CAPZB: variants seen among roughly 807,000 people sequenced by gnomAD.
CAPZB encodes the protein capping actin protein of muscle Z-line subunit beta, also known as F-actin-capping protein subunit beta.
In CAPZB, 2 loss-of-function variants were observed where a neutral mutation model predicts 38.1. That is an observed-to-expected ratio of 0.05 (90% CI 0.02 to 0.17). The LOEUF (loss-of-function observed/expected upper bound fraction) is 0.17, where lower values mean the gene tolerates loss of function less well. Among genes scored for constraint, CAPZB ranks in the 10% least tolerant of loss-of-function variants. The probability of loss-of-function intolerance (pLI) is 1.00; values close to 1 mark genes in which losing one functional copy is unlikely to be tolerated. For missense variants in CAPZB, 161 were observed against 334.2 expected, an observed-to-expected ratio of 0.48 and a Z score of 4.04; for synonymous variants, 107 against 127.4, an observed-to-expected ratio of 0.84 and a Z score of 1.08.
intron 2 of CAPZB, among the ~76,000 whole-genome samples, chr1:19,399,215 AATGTT>A (rs1274608910): frequency 6.6e-6 from 1 of 152,168 alleles, no homozygotes; most frequent in Non-Finnish European, 1.5e-5. Flanking sequence ...TAAAAGTGTA[AATGTT>A]ATGTTATGTG....
At chr1:19,448,798 C>T in intron 1 of CAPZB, 1 of 1,611,552 alleles carries the variant, frequency 6.2e-7, no homozygotes, top group Non-Finnish European at 8.5e-7. Flanking sequence ...CCACCTGTTG[C>T]TCCTCCTCCC....
At chr1:19,456,621 C>T (rs1406698351) in intron 1 of CAPZB, among the ~76,000 whole-genome samples, 1 of 152,160 alleles carries the variant, frequency 6.6e-6, no homozygotes, top group Admixed American at 6.5e-5. Context: ...CAAGAATACT[C>T]CAGCCCACAG....
chr1:19,377,036 CTG>C (rs1347293940), intron 4 of CAPZB, among the ~76,000 whole-genome samples: 1 of 152,214 alleles, frequency 6.6e-6, no homozygotes, highest in Non-Finnish European at 1.5e-5. Context: ...CCACTGGTAA[CTG>C]TTATCATCAC....
chr1:19,422,080 G>T (rs1558246930), intron 1 of CAPZB, among the ~76,000 whole-genome samples: 1 of 151,958 alleles, frequency 6.6e-6, no homozygotes, highest in Non-Finnish European at 1.5e-5. Flanking sequence ...AACCCTAAAT[G>T]ATTCAAGTCA....
intron 2 of CAPZB, among the ~76,000 whole-genome samples, chr1:19,400,607 G>A (rs894811106): frequency 3.9e-5 from 6 of 152,116 alleles, no homozygotes; most frequent in African/African-American, 9.7e-5. Context: ...TCACTTTTAC[G>A]TCTCACATTT....
intron 8 of CAPZB, among the ~76,000 whole-genome samples, chr1:19,342,284 T>A (rs1291672955): frequency 6.6e-6 from 1 of 152,130 alleles, no homozygotes; most frequent in Non-Finnish European, 1.5e-5. Flanking sequence ...GGTCACCCCT[T>A]CCAAGCCAGC....
chr1:19,439,710 C>CAA (rs2094469514), intron 1 of CAPZB, among the ~76,000 whole-genome samples: 1 of 152,270 alleles, frequency 6.6e-6, no homozygotes, highest in African/African-American at 2.4e-5. Flanking sequence ...TCCCTCCCGG[C>CAA]TGACACTCCC....
chr1:19,480,656 A>G (rs2094624884), intron 1 of CAPZB, among the ~76,000 whole-genome samples: 1 of 152,238 alleles, frequency 6.6e-6, no homozygotes, highest in Non-Finnish European at 1.5e-5. Flanking sequence ...GGAACCCTCC[A>G]GTCACAGGGG....
chr1:19,442,181 CA>C (rs1389718812), intron 1 of CAPZB, among the ~76,000 whole-genome samples: 1 of 152,064 alleles, frequency 6.6e-6, no homozygotes, highest in East Asian at 1.9e-4. Flanking sequence ...AAAAGGCTCA[CA>C]AATTTTTTAA....
At chr1:19,391,632 T>G (rs2094235740) in intron 2 of CAPZB, among the ~76,000 whole-genome samples, 1 of 152,230 alleles carries the variant, frequency 6.6e-6, no homozygotes, top group Non-Finnish European at 1.5e-5. Context: ...ATATACAGTG[T>G]GGCATTCTGT....
chr1:19,484,723 G>A (rs1424964277), intron 1 of CAPZB: 14 of 1,060,044 alleles, frequency 1.3e-5, no homozygotes, highest in Non-Finnish European at 1.6e-5. Context: ...GGCTCAGGGC[G>A]GGGACCGAGC....
chr1:19,396,060 C>T (rs1210625674), intron 2 of CAPZB, among the ~76,000 whole-genome samples: 1 of 152,254 alleles, frequency 6.6e-6, no homozygotes, highest in East Asian at 1.9e-4. Context: ...CCACGCCTGC[C>T]TCTTCCACTG....
chr1:19,445,328 C>T (rs893369768), intron 1 of CAPZB, among the ~76,000 whole-genome samples: 1 of 151,016 alleles, frequency 6.6e-6, no homozygotes, highest in Admixed American at 6.6e-5. Context: ...ACCAAAAAAG[C>T]AAAAGTTGTT....
intron 1 of CAPZB, among the ~76,000 whole-genome samples, chr1:19,481,684 C>T (rs908570914): frequency 2.0e-5 from 3 of 152,132 alleles, no homozygotes; most frequent in Non-Finnish European, 4.4e-5. Context: ...TGCAGAGGAG[C>T]GGACTGCGTG....
intron 1 of CAPZB, among the ~76,000 whole-genome samples, chr1:19,469,684 C>CTCTCCCT (rs1332969708): frequency 2.0e-5 from 3 of 151,530 alleles, no homozygotes; most frequent in Non-Finnish European, 4.4e-5. Flanking sequence ...ATACTCTACA[C>CTCTCCCT]TCTCCCTCCT....
At chr1:19,437,626 C>G (rs929879030) in intron 1 of CAPZB, among the ~76,000 whole-genome samples, 1 of 152,062 alleles carries the variant, frequency 6.6e-6, no homozygotes, top group Non-Finnish European at 1.5e-5. Flanking sequence ...ACCATGGGCA[C>G]GAGACTCATT....
At chr1:19,342,908 CG>C (rs1325563793) in intron 8 of CAPZB, 2 of 1,208,676 alleles carry the variant, frequency 1.7e-6, no homozygotes, top group African/African-American at 3.0e-5. Flanking sequence ...GGGAAGAGAA[CG>C]ACGAGAAGCC....
intron 4 of CAPZB, among the ~76,000 whole-genome samples, chr1:19,363,052 G>A (rs139444286): frequency 3.9e-5 from 6 of 152,142 alleles, no homozygotes; most frequent in South Asian, 2.1e-4. Context: ...CGGTCCCGGC[G>A]CCTTTTAAGA....
chr1:19,433,601 G>A (rs950578672), intron 1 of CAPZB, among the ~76,000 whole-genome samples: 1 of 152,130 alleles, frequency 6.6e-6, no homozygotes, highest in Admixed American at 6.5e-5. Context: ...GTCTGGATGG[G>A]AAAGCAAAAA....
Sources: gnomAD v4.1 joint callset for allele counts (sites outside exome capture counted in the v4.1 genomes callset) on GRCh38, gnomAD v4.1.1 for gene constraint, MANE v1.5 for transcripts, NCBI Gene and HGNC (gene_info 2026-07-23, HGNC 2026-07-21) for gene names.